The following DNAH6 variants were observed in gnomAD, a reference collection of about 807,000 sequenced individuals.
DNAH6 encodes the protein dynein axonemal heavy chain 6, also known as axonemal beta dynein heavy chain 6.
DNAH6 carries 340 observed loss-of-function variants against 491.4 expected under a neutral mutation model. The ratio of observed to expected loss-of-function variants is 0.69; its 90% CI spans 0.63 to 0.76. DNAH6 has a LOEUF of 0.76. Among genes scored for constraint, DNAH6 ranks in the 30% least tolerant of loss-of-function variants. The pLI, the probability that DNAH6 is intolerant of heterozygous loss-of-function variation, is 0.00. For missense variants in DNAH6, 4,443 were observed against 4,972.2 expected, an observed-to-expected ratio of 0.89 and a Z score of 3.20; for synonymous variants, 1,603 against 1,686.1, an observed-to-expected ratio of 0.95 and a Z score of 1.21.
chr2:84,673,681 A>G (rs759706984), intron 40 of DNAH6, among the ~76,000 whole-genome samples: 10 of 152,262 alleles, frequency 6.6e-5, no homozygotes, highest in Non-Finnish European at 1.3e-4. Context: ...GTTCAAGGGC[A>G]GGAAGCATCC....
intron 45 of DNAH6, among the ~76,000 whole-genome samples, chr2:84,690,141 C>T (rs1332213778): frequency 6.6e-6 from 1 of 152,090 alleles, no homozygotes; most frequent in African/African-American, 2.4e-5. Context: ...TCTACTGCTG[C>T]AGCAAGATTT....
intron 3 of DNAH6, 29 bp from the exon 4 acceptor site, chr2:84,528,875 T>TA: frequency 6.6e-7 from 1 of 1,512,808 alleles, no homozygotes; most frequent in East Asian, 2.5e-5. Flanking sequence ...AAGACTCATT[T>TA]TTTTTTTTCA....
At chr2:84,535,900 CTG>C (rs1264500048) in intron 4 of DNAH6, among the ~76,000 whole-genome samples, 4 of 151,864 alleles carry the variant, frequency 2.6e-5, no homozygotes, top group African/African-American at 9.7e-5. Context: ...AAAGAACTCT[CTG>C]GGGATTAAAT....
intron 71 of DNAH6, among the ~76,000 whole-genome samples, chr2:84,807,801 C>A (rs980190931): frequency 2.6e-4 from 39 of 152,200 alleles, no homozygotes; most frequent in African/African-American, 9.4e-4. Flanking sequence ...GGAGACCTTT[C>A]AAACCCCTCA....
rs150864194 is a variant in DNAH6 at position 84,660,220 on chromosome 2, A to G, written c.6084+1051A>G. Among the ~76,000 whole-genome samples the G allele has an allele frequency of 2.1e-3, 319 of 152,326 alleles. 1 individual carries two copies. The highest frequency in any genetic ancestry group is 7.5e-3 in the African/African-American group (311 of 41,592). On this transcript the variant is annotated intron_variant, in intron 37 of 76. Coordinates refer to ENST00000389394, the MANE Select transcript of DNAH6 (RefSeq NM_001370.2). Reference sequence around the variant, plus strand: ...ATACAAAACAACTATTTTATGTTGCATAGTAAAAAAGTGCTCAAAGAATGA... The same window carrying G: ...ATACAAAACAACTATTTTATGTTGCGTAGTAAAAAAGTGCTCAAAGAATGA...
intron 16 of DNAH6, 58 bp from the exon 17 acceptor site, chr2:84,593,914 C>A: frequency 3.1e-6 from 3 of 964,808 alleles, no homozygotes; most frequent in Non-Finnish European, 4.8e-6. Flanking sequence ...AGGAGAATAG[C>A]ATATGCTCAT....
rs7575285 is a variant in DNAH6, at chr2:84,637,385, T to C, written c.4821+8T>C. On this transcript the variant is annotated splice_region_variant and intron_variant, in intron 31 of 76. Transcript: ENST00000389394. ...TATGCCTTGATTGCAGAGGTGAGCA[T>C]CACATTATAAAGCAGCAGAAATGTA... 3,313 of 1,528,812 alleles carry C rather than the reference T, an allele frequency of 2.2e-3. 56 individuals carry two copies. In the African/African-American group the frequency reaches 0.041, roughly 19 times the overall value. The allele number at this position is 1,528,812 out of a possible 1,614,324, so 94.7% of individuals were successfully genotyped here.
intron 37 of DNAH6, among the ~76,000 whole-genome samples, chr2:84,666,335 T>C (rs943574689): frequency 3.3e-5 from 5 of 152,200 alleles, no homozygotes; most frequent in African/African-American, 9.6e-5. Flanking sequence ...GATGACATGA[T>C]TGTATATTTA....
the DNAH6 span, among the ~76,000 whole-genome samples, chr2:84,474,576 A>G: frequency 6.6e-6 from 1 of 152,116 alleles, no homozygotes. Flanking sequence ...TACTATTACT[A>G]CTATATTGAT....
intron 13 of DNAH6, 74 bp downstream of exon 13, chr2:84,577,482 T>C: frequency 9.2e-7 from 1 of 1,085,438 alleles, no homozygotes; most frequent in East Asian, 2.8e-5. Flanking sequence ...CACAAAAACC[T>C]AGTATTTATT....
At position 84,805,858 on chromosome 2, in the gene DNAH6, G is replaced by A. The variant is rs1679370347; in HGVS notation, c.11611+64G>A. On this transcript the variant is annotated intron_variant, in intron 71 of 76. Coordinates refer to ENST00000389394, the MANE Select transcript of DNAH6 (RefSeq NM_001370.2). ...TTTAGGAATAAACTCAGAGAACTGA[G>A]TGATAAACAGGTGTCAAAACCTGCT... is the stretch of plus-strand genomic sequence containing the variant. 2.8e-6 allele frequency: 4 copies of A among 1,446,544 alleles called. No homozygotes were observed. In the African/African-American group the frequency reaches 5.7e-5, roughly 21 times the overall value. The allele number at this position is 1,446,544 out of a possible 1,614,324, so 89.6% of individuals were successfully genotyped here. A position where few individuals can be genotyped will look rare whatever the true frequency, so the allele number is the denominator to read the frequency against.
At chr2:84,645,828 A>G (rs1223052914) in intron 33 of DNAH6, among the ~76,000 whole-genome samples, 2 of 152,178 alleles carry the variant, frequency 1.3e-5, no homozygotes, top group Admixed American at 6.5e-5. Flanking sequence ...CTCCACATCT[A>G]GCCTCAAGCA....
intron 65 of DNAH6, 35 bp downstream of exon 65, chr2:84,781,688 C>T (rs1326079785): frequency 2.0e-6 from 3 of 1,504,208 alleles, no homozygotes; most frequent in Non-Finnish European, 2.7e-6. Flanking sequence ...ATAATAATCA[C>T]ATTTTTATGT....
Position 84,544,252 on chromosome 2 carries a change from A to T in DNAH6, c.682A>T (p.Ile228Phe). ...YNLKVVSYEN[I>F]NKNDYYTISQ... ...TTATAGAGTTGTAAGTTATGAGAAC[A>T]TCAATAAAAATGACTACTATACTAT... is the stretch of plus-strand genomic sequence containing the variant. The change falls in exon 5 of 77, where the codon ATC becomes TTC. Residue 228 changes from isoleucine to phenylalanine, a missense_variant. Physicochemically the swap from Ile to Phe is conservative, Grantham distance 21. This residue lies in a region of DNAH6 where 2,977 missense variants were observed against 3,296.6 expected (regional missense o/e 0.90). Transcript: ENST00000389394. 6.8e-7 allele frequency: 1 copy of T among 1,472,744 alleles called. No individual in the cohort carries two copies. The highest frequency in any genetic ancestry group is 9.2e-7 in the Non-Finnish European group (1 of 1,081,790). 91.2% of individuals were successfully genotyped at this position (1,472,744 alleles called of 1,614,324 possible). A position where few individuals can be genotyped will look rare whatever the true frequency, so the allele number is the denominator to read the frequency against.
Position 84,611,841 on chromosome 2 carries a change from C to T in DNAH6, c.3462C>T (p.Ala1154=), listed in dbSNP as rs766580144. The change falls in exon 22 of 77, where the codon GCC becomes GCT. Residue 1154 remains alanine (A), a synonymous_variant. Transcript: ENST00000389394. ...KVNRLPNALR[A]ATQPGLLETF... is the part of the protein sequence containing the mutation. ...ATCGGCTGCCTAATGCTCTTCGAGC[C>T]GCTACTCAGCCAGGTATGAAACAAA... 33 of 1,550,406 alleles carry T rather than the reference C, an allele frequency of 2.1e-5. No homozygotes were observed. Among genetic ancestry groups the T allele is most frequent in the Non-Finnish European group, 2.7e-5 (31 of 1,146,290 alleles).
intron 2 of DNAH6, among the ~76,000 whole-genome samples, chr2:84,518,770 A>C (rs1359432394): frequency 1.3e-5 from 2 of 152,180 alleles, no homozygotes; most frequent in Non-Finnish European, 2.9e-5. Context: ...AACAAATATA[A>C]ATGAACAAAA....
intron 4 of DNAH6, among the ~76,000 whole-genome samples, chr2:84,532,483 A>G (rs1447145746): frequency 6.6e-6 from 1 of 152,176 alleles, no homozygotes; most frequent in African/African-American, 2.4e-5. Context: ...CTGTGTCAAC[A>G]AGATGAGGTC....
At chr2:84,735,900 T>G (rs2104998384) in intron 62 of DNAH6, among the ~76,000 whole-genome samples, 1 of 152,324 alleles carries the variant, frequency 6.6e-6, no homozygotes, top group South Asian at 2.1e-4. Context: ...ATTTTTTATT[T>G]TGTTGCATTT....
chr2:84,561,232 C>T (rs1334071711), intron 11 of DNAH6, among the ~76,000 whole-genome samples: 8 of 152,024 alleles, frequency 5.3e-5, no homozygotes, highest in East Asian at 3.9e-4. Flanking sequence ...GAAATAACGC[C>T]GCATATCTTC....
Sources: allele counts gnomAD v4.1 joint callset (sites outside exome capture counted in the v4.1 genomes callset), GRCh38; gene constraint gnomAD v4.1.1; regional missense constraint gnomAD v4.1.1; transcripts MANE v1.5; gene names NCBI Gene and HGNC (gene_info 2026-07-23, HGNC 2026-07-21).